Variants in NIPSNAP1 observed in about 807,000 individuals in gnomAD.
The protein encoded by NIPSNAP1 is nipsnap homolog 1.
A neutral mutation model predicts 49.2 loss-of-function variants in NIPSNAP1; 25 were observed. That is an observed-to-expected ratio of 0.51 (90% CI 0.37 to 0.71). The LOEUF is 0.71. Ranked by LOEUF, NIPSNAP1 falls within the 30% of genes least tolerant of loss-of-function variation. NIPSNAP1 has a pLI of 0.00. For synonymous variants in NIPSNAP1, 143 were observed against 140.7 expected (o/e 1.02, Z -0.12); for missense variants, 294 against 361.0 (o/e 0.81, Z 1.50).
chr22:29,563,377 A>T (rs2064349496), intron 4 of NIPSNAP1, among the ~76,000 whole-genome samples: 1 of 151,824 alleles, frequency 6.6e-6, no homozygotes, highest in South Asian at 2.1e-4. Context: ...TAAAACAAAA[A>T]TTAGCTGGGC....
chr22:29,569,038 G>A (rs547869778), intron 4 of NIPSNAP1, among the ~76,000 whole-genome samples, 155 bp downstream of exon 4: 9 of 152,148 alleles, frequency 5.9e-5, no homozygotes, highest in Non-Finnish European at 1.3e-4. Context: ...GGGGAGCCAG[G>A]ACAGGTATTT....
At chr22:29,578,726 C>T (rs1393209138) in intron 1 of NIPSNAP1, among the ~76,000 whole-genome samples, 1 of 151,260 alleles carries the variant, frequency 6.6e-6, no homozygotes, top group Non-Finnish European at 1.5e-5. Context: ...CTGCCGAAAA[C>T]ACCAACATCC....
At chr22:29,577,055 T>C (rs538599367) in intron 1 of NIPSNAP1, among the ~76,000 whole-genome samples, 1 of 151,236 alleles carries the variant, frequency 6.6e-6, no homozygotes, top group South Asian at 2.1e-4. Flanking sequence ...CAGGTTTTGA[T>C]CCTAGCTCAG....
chr22:29,567,505 C>T (rs562607828), intron 4 of NIPSNAP1, among the ~76,000 whole-genome samples: 49 of 152,226 alleles, frequency 3.2e-4, no homozygotes, highest in Admixed American at 5.2e-4. Flanking sequence ...ACCCAGCCCG[C>T]GTGGAGGAAA....
intron 1 of NIPSNAP1, among the ~76,000 whole-genome samples, chr22:29,575,800 C>T (rs533219891): frequency 4.6e-5 from 7 of 152,036 alleles, no homozygotes; most frequent in East Asian, 1.9e-4. Context: ...CTGCAACCTC[C>T]GCCTCCCAGG....
chr22:29,562,691 C>G (rs1361177186), intron 4 of NIPSNAP1, among the ~76,000 whole-genome samples: 1 of 149,922 alleles, frequency 6.7e-6, no homozygotes. Flanking sequence ...AACTCCGTCT[C>G]AAAAAAAAAG....
At chr22:29,560,998 C>G (rs2064331567) in intron 7 of NIPSNAP1, among the ~76,000 whole-genome samples, 170 bp from the exon 8 acceptor site, 1 of 152,140 alleles carries the variant, frequency 6.6e-6, no homozygotes. Flanking sequence ...GGGGTCACAA[C>G]CTTCTAGGAG....
chr22:29,560,536 G>A (rs767822320), intron 8 of NIPSNAP1, among the ~76,000 whole-genome samples, 198 bp downstream of exon 8: 16 of 152,034 alleles, frequency 1.1e-4, no homozygotes, highest in Non-Finnish European at 1.6e-4. Context: ...TTGAGCCACC[G>A]CTCCCAGACT....
Position 29,581,017 on chromosome 22 carries a change from G to A in NIPSNAP1, c.66C>T (p.Arg22=), listed in dbSNP as rs1350566343. The A allele has an allele frequency of 6.5e-7, 1 of 1,535,558 alleles. No individual in the cohort carries two copies. The highest frequency in any genetic ancestry group is 8.7e-7 in the Non-Finnish European group (1 of 1,144,864). Residue 22 remains arginine (R), a synonymous_variant, in exon 1 of 10, where the codon CGC becomes CGT. Coordinates refer to ENST00000216121, the MANE Select transcript of NIPSNAP1 (RefSeq NM_003634.4). ...CAGCTGCAGACGCAACGTCCCCAGC[G>A]CGAGGCCCCGGGCCCCCCAGCAGCC... ...ARRLLGGPGP[R]AGDVASAAAA...
intron 1 of NIPSNAP1, among the ~76,000 whole-genome samples, chr22:29,578,639 G>T (rs1569250582): frequency 6.6e-6 from 1 of 151,298 alleles, no homozygotes; most frequent in Non-Finnish European, 1.5e-5. Flanking sequence ...ATCCAATGTG[G>T]AATTAAGGTA....
intron 6 of NIPSNAP1, 147 bp downstream of exon 6, chr22:29,561,359 A>G: frequency 7.0e-7 from 1 of 1,426,302 alleles, no homozygotes; most frequent in Non-Finnish European, 9.8e-7. Context: ...CCTGGTGTGC[A>G]TGTTTGCACA....
At chr22:29,559,087 T>A in intron 8 of NIPSNAP1, 134 bp from the exon 9 acceptor site, 1 of 718,016 alleles carries the variant, frequency 1.4e-6, no homozygotes, top group African/African-American at 1.7e-5. Flanking sequence ...CTCAGACTAT[T>A]AGCAAACACT....
chr22:29,565,899 A>C (rs980179561), intron 4 of NIPSNAP1, among the ~76,000 whole-genome samples: 1 of 152,254 alleles, frequency 6.6e-6, no homozygotes, highest in Admixed American at 6.5e-5. Flanking sequence ...ATCTATCTGC[A>C]GGTCACAGAT....
Position 29,581,072 on chromosome 22 carries a change from C to A in NIPSNAP1, c.11G>T (p.Arg4Leu). 6.5e-7 allele frequency: 1 copy of A among 1,541,806 alleles called. No homozygotes were observed. The highest frequency in any genetic ancestry group is 8.7e-7 in the Non-Finnish European group (1 of 1,146,120). MAP[R>L]LCSISVTARR... Reference sequence around the variant, plus strand: ...CGCCGTCACAGAGATGCTGCACAGCCGCGGAGCCATGTTGGAGCCGCAAAG... The same window carrying A: ...CGCCGTCACAGAGATGCTGCACAGCAGCGGAGCCATGTTGGAGCCGCAAAG... Residue 4 changes from arginine to leucine, a missense_variant, in exon 1 of 10, where the codon CGG (arginine) becomes CTG (leucine). Arg to Leu is a moderately radical substitution (Grantham distance 102, BLOSUM62 -2). Coordinates refer to ENST00000216121, the MANE Select transcript of NIPSNAP1 (RefSeq NM_003634.4).
chr22:29,580,030 G>A, intron 1 of NIPSNAP1: 4 of 1,232,306 alleles, frequency 3.2e-6, no homozygotes, highest in Non-Finnish European at 4.3e-6. Flanking sequence ...CTTCATTCCT[G>A]GGCTGCAGGG....
intron 1 of NIPSNAP1, chr22:29,580,238 T>A: frequency 3.1e-6 from 4 of 1,299,386 alleles, no homozygotes; most frequent in Non-Finnish European, 4.1e-6. Flanking sequence ...GGGTCATATA[T>A]GCAGAGATGG....
At chr22:29,580,074 G>C (rs1034479712) in intron 1 of NIPSNAP1, 4 of 1,303,530 alleles carry the variant, frequency 3.1e-6, no homozygotes, top group South Asian at 2.5e-5. Context: ...TCACAGGTTG[G>C]GGGAGGGGGA....
At chr22:29,561,355 G>A in intron 6 of NIPSNAP1, 151 bp downstream of exon 6, 2 of 1,416,084 alleles carry the variant, frequency 1.4e-6, no homozygotes, top group South Asian at 1.1e-5. Flanking sequence ...CACACCTGGT[G>A]TGCATGTTTG....
rs2064336555 is a variant in NIPSNAP1, at chr22:29,561,635, C to T, written c.450G>A (p.Glu150=). The T allele has an allele frequency of 1.2e-6, 2 of 1,614,062 alleles. No homozygotes were observed. Among genetic ancestry groups the T allele is most frequent in the East Asian group, 4.5e-5 (2 of 44,870 alleles). The stretch of plus-strand genomic sequence containing the variant: ...GCATCTGGCTCCGCTCCCTTCGGAA[C>T]TCCAGGTACTCCTGTGGGCATGGTG... ...NKLKNNKEYL[E]FRRERSQMLL... The change falls in exon 6 of 10, where the codon GAG becomes GAA. Residue 150 remains glutamate (E), a synonymous_variant. Transcript: ENST00000216121.
Sources: gnomAD v4.1 joint callset for allele counts (sites outside exome capture counted in the v4.1 genomes callset) on GRCh38, gnomAD v4.1.1 for gene constraint, MANE v1.5 for transcripts, NCBI Gene and HGNC (gene_info 2026-07-23, HGNC 2026-07-21) for gene names.